The following ITGA9 variants were observed in gnomAD, a reference collection of about 807,000 sequenced individuals.
ITGA9 encodes integrin alpha-9.
In ITGA9, 56 loss-of-function variants were observed where a neutral mutation model predicts 127.8. The observed-to-expected ratio is 0.44, with a 90% CI of 0.35 to 0.55. The LOEUF (loss-of-function observed/expected upper bound fraction) is 0.55. Among genes scored for constraint, ITGA9 ranks in the 20% least tolerant of loss-of-function variants. The pLI, the probability that ITGA9 is intolerant of heterozygous loss-of-function variation, is 0.00. For synonymous variants in ITGA9, 508 were observed against 514.5 expected (o/e 0.99, Z 0.17); for missense variants, 1,196 against 1,347.1 (o/e 0.89, Z 1.76).
chr3:37,539,232 G>C (rs1001129291), intron 14 of ITGA9, among the ~76,000 whole-genome samples: 8 of 152,196 alleles, frequency 5.3e-5, no homozygotes, highest in Admixed American at 5.2e-4. Context: ...TACTTACCCT[G>C]TGTTAATATG....
At chr3:37,770,016 C>A (rs1575229606) in intron 23 of ITGA9, among the ~76,000 whole-genome samples, 1 of 152,102 alleles carries the variant, frequency 6.6e-6, no homozygotes, top group South Asian at 2.1e-4. Flanking sequence ...GGTTACTTAA[C>A]CTCTCTGGGC....
chr3:37,804,183 C>A (rs930218151), intron 27 of ITGA9, among the ~76,000 whole-genome samples: 1 of 152,154 alleles, frequency 6.6e-6, no homozygotes, highest in Admixed American at 6.6e-5. Flanking sequence ...TCTTACCTTC[C>A]CTTAGAGCCC....
At chr3:37,453,821 A>T (rs1285659958) in intron 1 of ITGA9, among the ~76,000 whole-genome samples, 1 of 152,150 alleles carries the variant, frequency 6.6e-6, no homozygotes, top group Non-Finnish European at 1.5e-5. Context: ...CCAGCCCACT[A>T]AGAATCATGC....
intron 15 of ITGA9, among the ~76,000 whole-genome samples, chr3:37,627,785 A>G (rs1444950831): frequency 6.6e-6 from 1 of 152,212 alleles, no homozygotes; most frequent in Non-Finnish European, 1.5e-5. Context: ...GACATGCTGT[A>G]TGTCATCAAA....
intron 26 of ITGA9, among the ~76,000 whole-genome samples, chr3:37,786,072 A>G (rs1481868101): frequency 2.6e-5 from 4 of 152,278 alleles, no homozygotes; most frequent in East Asian, 3.9e-4. Context: ...CTCAGATCCC[A>G]GGGGAGTAGA....
chr3:37,777,369 G>A (rs764532889), intron 23 of ITGA9, 23 bp from the exon 24 acceptor site: 2 of 1,613,836 alleles, frequency 1.2e-6, no homozygotes, highest in African/African-American at 2.7e-5. Flanking sequence ...TGACTCCTCT[G>A]ACAGGCCTCT....
At chr3:37,613,729 G>C (rs1055709210) in intron 15 of ITGA9, among the ~76,000 whole-genome samples, 34 of 152,152 alleles carry the variant, frequency 2.2e-4, no homozygotes, top group Non-Finnish European at 4.7e-4. Context: ...GATGAGCATT[G>C]TTTCATGTGT....
At chr3:37,717,678 C>A (rs1034048698) in intron 18 of ITGA9, among the ~76,000 whole-genome samples, 1 of 152,158 alleles carries the variant, frequency 6.6e-6, no homozygotes, top group African/African-American at 2.4e-5. Flanking sequence ...AATCCACCTC[C>A]ATGATCCAGT....
Position 37,775,070 on chromosome 3 carries a change from C to A in ITGA9, c.2542-2322C>A, listed in dbSNP as rs1318808279. On this transcript the variant is annotated intron_variant, in intron 23 of 27. Transcript: ENST00000264741. ...GCTTCTACACAGCAAAAGAGACTAT[C>A]AACAGAGTAAACAGACAACCTACAG... is the stretch of plus-strand genomic sequence containing the variant. 3.3e-5 allele frequency among the ~76,000 whole-genome samples: 5 copies of A among 152,342 alleles called. No homozygotes were observed. In the East Asian group the frequency reaches 9.6e-4, roughly 29 times the overall value.
intron 17 of ITGA9, among the ~76,000 whole-genome samples, chr3:37,655,227 G>A (rs974980794): frequency 6.6e-6 from 1 of 152,142 alleles, no homozygotes; most frequent in African/African-American, 2.4e-5. Flanking sequence ...GGATGGCTGG[G>A]TCAAATGGTA....
chr3:37,819,213 T>C lies in ITGA9; in HGVS notation c.*224T>C. On this transcript the variant is annotated 3_prime_UTR_variant, in exon 28 of 28. Transcript: ENST00000264741. ...TCCTTTAAAGATGAACTCTGAACTT[T>C]GGAGAGTGAGCTACAGAGCCGAGCA... 1.7e-6 allele frequency: 1 copy of C among 593,574 alleles called. No individual in the cohort carries two copies. The highest frequency in any genetic ancestry group is 2.0e-5 in the South Asian group (1 of 49,942). 36.8% of individuals were successfully genotyped at this position (593,574 alleles called of 1,614,324 possible). A position where few individuals can be genotyped will look rare whatever the true frequency, so the allele number is the denominator to read the frequency against.
In ITGA9 at chr3:37,666,502, A is replaced by C. The variant is rs1436566766; in HGVS notation, c.1916+12712A>C. Among the ~76,000 whole-genome samples the C allele has an allele frequency of 2.0e-5, 3 of 151,860 alleles. No individual in the cohort carries two copies. In the East Asian group the frequency reaches 5.8e-4, roughly 29 times the overall value. ...GGGCCCCCTCTTGCATCTGCAGGCA[A>C]CCTCGGGTTGGTTGGGTGCCTGGCT... is the stretch of plus-strand genomic sequence containing the variant. On this transcript the variant is annotated intron_variant, in intron 17 of 27. Coordinates refer to ENST00000264741, the MANE Select transcript of ITGA9 (RefSeq NM_002207.3).
intron 17 of ITGA9, among the ~76,000 whole-genome samples, chr3:37,663,182 C>T (rs77659892): frequency 1.3e-5 from 2 of 152,122 alleles, no homozygotes; most frequent in African/African-American, 4.8e-5. Flanking sequence ...ACTGAAAATT[C>T]CATTTGTAAA....
chr3:37,713,200 C>T (rs1233656052), intron 18 of ITGA9, among the ~76,000 whole-genome samples: 1 of 152,116 alleles, frequency 6.6e-6, no homozygotes, highest in Admixed American at 6.5e-5. Context: ...TTCTGTCTCT[C>T]CTGTCAGAAG....
At chr3:37,776,854 T>C (rs1696914432) in intron 23 of ITGA9, among the ~76,000 whole-genome samples, 1 of 152,210 alleles carries the variant, frequency 6.6e-6, no homozygotes, top group African/African-American at 2.4e-5. Flanking sequence ...TGAGCAGTCC[T>C]GCTTGCTGCT....
intron 27 of ITGA9, among the ~76,000 whole-genome samples, chr3:37,810,337 G>A (rs189265734): frequency 2.6e-3 from 390 of 152,278 alleles, no homozygotes; most frequent in Non-Finnish European, 4.7e-3. Context: ...CCTTCACTAG[G>A]CAAAGAGTAG....
In ITGA9 at chr3:37,494,565, C is replaced by A; in HGVS notation, c.609C>A (p.Thr203=). The change falls in exon 5 of 28, where the codon ACC becomes ACA. Residue 203 remains threonine, a synonymous_variant. Coordinates refer to ENST00000264741, the MANE Select transcript of ITGA9 (RefSeq NM_002207.3). ...AGGCTGGGATAGCGGGCTTCTTCAC[C>A]GAGGTGGGTGTCTGCTGTCTGGGCA... ...SCQAGIAGFF[T]EELVVMGAPG... is the part of the protein sequence containing the mutation. 1 of 1,612,630 alleles carries A rather than the reference C, an allele frequency of 6.2e-7. No homozygotes were observed. Among genetic ancestry groups the A allele is most frequent in the African/African-American group, 1.3e-5 (1 of 75,012 alleles).
chr3:37,470,138 T>TGG (rs1553640917), intron 1 of ITGA9, among the ~76,000 whole-genome samples: 1 of 74,250 alleles, frequency 1.3e-5, no homozygotes, highest in African/African-American at 6.2e-5. Flanking sequence ...AGGTTTCTTC[T>TGG]TGTTTTTTTT....
At chr3:37,603,968 G>T (rs1174290847) in intron 15 of ITGA9, among the ~76,000 whole-genome samples, 1 of 152,236 alleles carries the variant, frequency 6.6e-6, no homozygotes, top group Non-Finnish European at 1.5e-5. Context: ...GCTGAGCCCA[G>T]TCCTAACTGC....
Sources: gnomAD v4.1 joint callset for allele counts (sites outside exome capture counted in the v4.1 genomes callset) on GRCh38, gnomAD v4.1.1 for gene constraint, MANE v1.5 for transcripts, NCBI Gene and HGNC (gene_info 2026-07-23, HGNC 2026-07-21) for gene names.